PCDHA8: variants seen among roughly 807,000 people sequenced by gnomAD.
PCDHA8 encodes the protein protocadherin alpha-8.
In PCDHA8, 53 loss-of-function variants were observed where a neutral mutation model predicts 61.8. That is an observed-to-expected ratio of 0.86 (90% CI 0.69 to 1.08). PCDHA8 has a LOEUF of 1.08. Ranked by LOEUF, PCDHA8 falls within the 50% of genes least tolerant of loss-of-function variation. The probability of loss-of-function intolerance (pLI) is 0.00; values close to 1 mark genes in which losing one functional copy is unlikely to be tolerated. For synonymous variants in PCDHA8, 618 were observed against 556.6 expected (o/e 1.11, Z -1.55); for missense variants, 1,293 against 1,245.0 (o/e 1.04, Z -0.58).
intron 1 of PCDHA8, among the ~76,000 whole-genome samples, chr5:140,950,299 C>T (rs246045): frequency 0.56 from 85,681 of 151,798 alleles, 24,780 homozygotes; most frequent in African/African-American, 0.69. Context: ...AAAAACTTTA[C>T]TTAGCAGTTT....
At chr5:140,933,527 A>G (rs1324786303) in intron 1 of PCDHA8, among the ~76,000 whole-genome samples, 1 of 152,060 alleles carries the variant, frequency 6.6e-6, no homozygotes, top group African/African-American at 2.4e-5. Flanking sequence ...TTTTGTTTAA[A>G]CTCAAAATAA....
intron 1 of PCDHA8, chr5:140,883,895 C>T: frequency 6.2e-7 from 1 of 1,613,426 alleles, no homozygotes; most frequent in Non-Finnish European, 8.5e-7. Flanking sequence ...CTCTGGCGTG[C>T]CGCCTCTGGG....
rs193081186 is a variant in PCDHA8, at chr5:140,886,365, A to G, written c.2394+42650A>G. Among the ~76,000 whole-genome samples the G allele has an allele frequency of 3.1e-3, 466 of 152,304 alleles. 3 individuals carry two copies. Among genetic ancestry groups the G allele is most frequent in the Middle Eastern group, 0.014 (4 of 294 alleles). On this transcript the variant is annotated intron_variant, in intron 1 of 3. Transcript: ENST00000531613. Reference sequence around the variant, plus strand: ...GTGCAGGTTTGTTACATAGGTGTACATGCCATGGTGTGCTTATCTATTATC... The same window carrying G: ...GTGCAGGTTTGTTACATAGGTGTACGTGCCATGGTGTGCTTATCTATTATC...
chr5:140,843,859 T>C lies in PCDHA8; in HGVS notation c.2394+144T>C, dbSNP rs1779121343. ...GTTTTTAGAAACCTTTTATAATTAA[T>C]TGAATTTTCTCAGTGGCATAATACA... On this transcript the variant is annotated intron_variant, in intron 1 of 3. Coordinates refer to ENST00000531613, the MANE Select transcript of PCDHA8 (RefSeq NM_018911.3). 13 of 919,578 alleles carry C rather than the reference T, an allele frequency of 1.4e-5. No individual in the cohort carries two copies. The East Asian group carries it at 3.1e-4, about 22-fold the overall frequency. The allele number at this position is 919,578 out of a possible 1,614,324, so 57.0% of individuals were successfully genotyped here. A position where few individuals can be genotyped will look rare whatever the true frequency, so the allele number is the denominator to read the frequency against.
intron 1 of PCDHA8, among the ~76,000 whole-genome samples, chr5:140,916,395 G>A (rs2077556484): frequency 6.6e-6 from 1 of 152,180 alleles, no homozygotes; most frequent in African/African-American, 2.4e-5. Flanking sequence ...GGAATGTGCT[G>A]GATCACACCT....
intron 3 of PCDHA8, among the ~76,000 whole-genome samples, chr5:140,985,239 A>C (rs2097143502): frequency 6.6e-6 from 1 of 152,008 alleles, no homozygotes; most frequent in South Asian, 2.1e-4. Flanking sequence ...GCCTGGCCTA[A>C]TCTTCTTACT....
rs782026526 is a variant in PCDHA8, at chr5:140,857,844, ACT to A, written c.2394+14132_2394+14133del. The stretch of plus-strand genomic sequence containing the variant: ...GCTAAGGTGCGCGCAGTGGACGCTG[ACT>A]CTGGATACAACGCGTGGCTGTCGTA... On this transcript the variant is annotated intron_variant, in intron 1 of 3. Transcript: ENST00000531613. 1.0e-5 allele frequency: 16 copies of A among 1,596,614 alleles called. No homozygotes were observed. In the Admixed American group the frequency reaches 1.2e-4, roughly 12 times the overall value.
intron 1 of PCDHA8, among the ~76,000 whole-genome samples, chr5:140,880,631 A>T (rs1048791670): frequency 6.6e-6 from 1 of 152,206 alleles, no homozygotes; most frequent in Non-Finnish European, 1.5e-5. Context: ...GTTAATTATC[A>T]ATTCACTTGA....
chr5:140,879,908 T>G (rs1468115653), intron 1 of PCDHA8, among the ~76,000 whole-genome samples: 2 of 152,218 alleles, frequency 1.3e-5, no homozygotes, highest in Non-Finnish European at 2.9e-5. Context: ...TCTCTCTATG[T>G]GTTGGTTTTA....
chr5:140,898,579 T>A (rs1471026172), intron 1 of PCDHA8, among the ~76,000 whole-genome samples: 1 of 152,222 alleles, frequency 6.6e-6, no homozygotes, highest in African/African-American at 2.4e-5. Flanking sequence ...GCCATGCTGT[T>A]TTGGTTACTG....
chr5:141,005,475 G>A (rs1011400158), intron 3 of PCDHA8, among the ~76,000 whole-genome samples: 8 of 151,670 alleles, frequency 5.3e-5, no homozygotes, highest in African/African-American at 1.9e-4. Flanking sequence ...AGGCCGAGAC[G>A]GGCGGATCAT....
intron 1 of PCDHA8, among the ~76,000 whole-genome samples, chr5:140,889,644 C>A (rs2062317759): frequency 6.6e-6 from 1 of 151,938 alleles, no homozygotes; most frequent in African/African-American, 2.4e-5. Flanking sequence ...TTTGTGTTTG[C>A]AGGAGATGTC....
In PCDHA8 at chr5:140,870,824, G is replaced by A. The variant is rs1296646483; in HGVS notation, c.2394+27109G>A. On this transcript the variant is annotated intron_variant, in intron 1 of 3. Coordinates refer to ENST00000531613, the MANE Select transcript of PCDHA8 (RefSeq NM_018911.3). ...GCGACTCAGGCTGGCAGCGCGGGAG[G>A]CGCAGTTAACAAGCTAGTACCGCGG... 8.7e-6 allele frequency: 14 copies of A among 1,613,638 alleles called. No homozygotes were observed. The East Asian group carries it at 2.9e-4, about 33-fold the overall frequency.
intron 1 of PCDHA8, chr5:140,857,094 T>G (rs781941290): frequency 4.4e-6 from 7 of 1,596,938 alleles, no homozygotes; most frequent in Non-Finnish European, 6.0e-6. Flanking sequence ...TCACCTGAGG[T>G]GATTGTCACT....
At chr5:140,937,023 A>G (rs2091268625) in intron 1 of PCDHA8, among the ~76,000 whole-genome samples, 1 of 150,410 alleles carries the variant, frequency 6.6e-6, no homozygotes. Flanking sequence ...TTAACAAGGT[A>G]TATTCTTCCA....
intron 2 of PCDHA8, among the ~76,000 whole-genome samples, chr5:140,979,714 T>G (rs1428916313): frequency 4.6e-5 from 7 of 152,270 alleles, no homozygotes; most frequent in African/African-American, 1.7e-4. Context: ...TGATCCAGTA[T>G]CCATGCCATG....
chr5:140,877,225 G>T, intron 1 of PCDHA8: 1 of 1,613,746 alleles, frequency 6.2e-7, no homozygotes, highest in South Asian at 1.1e-5. Context: ...ACCGCGGTCG[G>T]TGGGTGCGGG....
chr5:140,903,431 A>G (rs1431018780), intron 1 of PCDHA8, among the ~76,000 whole-genome samples: 3 of 152,242 alleles, frequency 2.0e-5, no homozygotes, highest in South Asian at 2.1e-4. Context: ...CACAATATGT[A>G]TCAGTGGAAT....
At chr5:140,994,178 A>G (rs2097601690) in intron 3 of PCDHA8, among the ~76,000 whole-genome samples, 1 of 152,226 alleles carries the variant, frequency 6.6e-6, no homozygotes, top group Admixed American at 6.5e-5. Context: ...AAGCTGGGAC[A>G]AACCACCAGG....
Sources: allele counts gnomAD v4.1 joint callset (sites outside exome capture counted in the v4.1 genomes callset), GRCh38; gene constraint gnomAD v4.1.1; transcripts MANE v1.5; gene names NCBI Gene and HGNC (gene_info 2026-07-23, HGNC 2026-07-21).